The following STOML3 variants were observed in gnomAD, a reference collection of about 807,000 sequenced individuals.
The protein encoded by STOML3 is stomatin-like protein 3.
Under a neutral mutation model 29.5 loss-of-function variants are expected in STOML3, and 31 were observed. The observed-to-expected ratio is 1.05, with a 90% CI of 0.79 to 1.42. The LOEUF is 1.42. Among genes scored for constraint, STOML3 ranks in the 40% most tolerant of loss-of-function variants. The pLI is 0.00. For synonymous variants in STOML3, 122 were observed against 139.8 expected (o/e 0.87, Z 0.90); for missense variants, 380 against 363.0 (o/e 1.05, Z -0.38).
chr13:38,987,691 AATTATAT>A (rs917265452), intron 1 of STOML3, among the ~76,000 whole-genome samples: 112 of 136,242 alleles, frequency 8.2e-4, no homozygotes, highest in African/African-American at 2.8e-3. Flanking sequence ...TATATATACT[AATTATAT>A]ATTATATATT....
chr13:38,986,511 A>G (rs554539170), intron 1 of STOML3, among the ~76,000 whole-genome samples: 11 of 152,098 alleles, frequency 7.2e-5, no homozygotes, highest in Non-Finnish European at 1.3e-4. Context: ...TAACCATTCT[A>G]TCTCCCTTTC....
Position 38,970,286 on chromosome 13 carries a change from C to T in STOML3, c.415G>A (p.Ala139Thr), listed in dbSNP as rs1169519222. The change falls in exon 5 of 7, where the codon GCA becomes ACA. Residue 139 changes from alanine to threonine, a missense_variant. Ala to Thr is a moderately conservative substitution (Grantham distance 58, BLOSUM62 0). Coordinates refer to ENST00000379631, the MANE Select transcript of STOML3 (RefSeq NM_145286.3). ...GTGGTTTGAGCCAGCAGAAATGTTG[C>T]TTGATGGACATCGTTGACATTAGCC... The part of the protein sequence containing the change: ...AVANVNDVHQ[A>T]TFLLAQTTLR... The T allele has an allele frequency of 5.0e-6, 8 of 1,614,040 alleles. No homozygotes were observed. The highest frequency in any genetic ancestry group is 1.6e-4 in the Middle Eastern group (1 of 6,082).
chr13:38,972,998 C>T (rs1880934959), intron 3 of STOML3, among the ~76,000 whole-genome samples: 1 of 150,482 alleles, frequency 6.6e-6, no homozygotes, highest in African/African-American at 2.4e-5. Context: ...GTGGCTCACG[C>T]CTGTAATCCC....
intron 3 of STOML3, 90 bp from the exon 4 acceptor site, chr13:38,972,684 G>C: frequency 1.8e-6 from 2 of 1,106,320 alleles, no homozygotes; most frequent in Non-Finnish European, 2.7e-6. Flanking sequence ...TTTACATGGG[G>C]CGATACATGT....
At chr13:38,983,389 C>T (rs376207504) in intron 1 of STOML3, among the ~76,000 whole-genome samples, 2 of 152,182 alleles carry the variant, frequency 1.3e-5, no homozygotes, top group African/African-American at 2.4e-5. Flanking sequence ...TTGTTCAGTA[C>T]AGTTTTTGCT....
At chr13:38,988,857 T>A (rs1868862574) in intron 1 of STOML3, among the ~76,000 whole-genome samples, 1 of 143,666 alleles carries the variant, frequency 7.0e-6, no homozygotes, top group African/African-American at 2.5e-5. Context: ...ATATATTATA[T>A]ATGCTGTATT....
rs370486098 is a variant in STOML3, at chr13:38,976,757, C to G, written c.93G>C (p.Leu31=). Residue 31 remains leucine, a synonymous_variant, in exon 2 of 7, where the codon CTG becomes CTC. Transcript: ENST00000379631. ...TCACCAACAGGAAAGAGAGGGAAAACAGGATCCAGCCACATACACCAAGCC... is the reference window on the plus strand; with the variant it reads ...TCACCAACAGGAAAGAGAGGGAAAAGAGGATCCAGCCACATACACCAAGCC... ...NKRLGVCGWI[L]FSLSFLLVII... is the part of the protein sequence containing the mutation. 2 of 1,613,976 alleles carry G rather than the reference C, an allele frequency of 1.2e-6. No individual in the cohort carries two copies. Among genetic ancestry groups the G allele is most frequent in the South Asian group, 1.1e-5 (1 of 91,038 alleles).
chr13:38,971,093 C>T (rs756457066), intron 4 of STOML3, among the ~76,000 whole-genome samples: 7 of 151,772 alleles, frequency 4.6e-5, no homozygotes, highest in African/African-American at 7.3e-5. Context: ...ACTGCAGTGG[C>T]GCAATCTCTG....
chr13:38,980,064 C>T (rs1209477638), intron 1 of STOML3: 1 of 1,551,716 alleles, frequency 6.4e-7, no homozygotes, highest in Admixed American at 2.0e-5. Flanking sequence ...ACAAGCTCGC[C>T]TCTGGAGTTC....
chr13:38,979,151 G>T (rs1350460672), intron 1 of STOML3, among the ~76,000 whole-genome samples: 1 of 152,094 alleles, frequency 6.6e-6, no homozygotes, highest in Non-Finnish European at 1.5e-5. Flanking sequence ...TGAACAATAA[G>T]GGCTTGCCTG....
In STOML3 at chr13:38,966,867, G is replaced by C. The variant is rs748546865; in HGVS notation, c.834C>G (p.Gly278=). 6.2e-7 allele frequency: 1 copy of C among 1,613,534 alleles called. No individual in the cohort carries two copies. Residue 278 remains glycine (G), a synonymous_variant, in exon 7 of 7, where the codon GGC becomes GGG. Coordinates refer to ENST00000379631, the MANE Select transcript of STOML3 (RefSeq NM_145286.3). Reference sequence around the variant, plus strand: ...GCTTCTTGTGGTTATCATAGCTGACGCCACCAATGCCCTCTAGTATATTCA... The same window carrying C: ...GCTTCTTGTGGTTATCATAGCTGACCCCACCAATGCCCTCTAGTATATTCA... ...LPMNILEGIG[G]VSYDNHKKLP... is the part of the protein sequence containing the mutation.
intron 5 of STOML3, 85 bp from the exon 6 acceptor site, chr13:38,968,619 CA>C (rs1458597397): frequency 5.3e-6 from 8 of 1,507,312 alleles, no homozygotes; most frequent in Non-Finnish European, 7.2e-6. Context: ...TTTCAAGATA[CA>C]TTTTTCTTTT....
chr13:38,970,371 G>T lies in STOML3; in HGVS notation c.330C>A (p.Ser110=). Residue 110 remains serine (S), a synonymous_variant, in exon 5 of 7, where the codon TCC becomes TCA. Transcript: ENST00000379631. ...CAACTCCATCTACCTGAGTAGTTAC[G>T]GAGTCTCTGGTGAGGATCTGTGGAG... ...IPPQEILTRD[S]VTTQVDGVVY... is the part of the protein sequence containing the mutation. 1 of 1,614,052 alleles carries T rather than the reference G, an allele frequency of 6.2e-7. No individual in the cohort carries two copies. The highest frequency in any genetic ancestry group is 8.5e-7 in the Non-Finnish European group (1 of 1,179,960).
intron 5 of STOML3, among the ~76,000 whole-genome samples, chr13:38,968,858 T>C (rs1190903741): frequency 6.6e-6 from 1 of 152,134 alleles, no homozygotes; most frequent in Non-Finnish European, 1.5e-5. Flanking sequence ...ATATCCCAAA[T>C]GTGCTTGTAC....
At chr13:38,975,095 C>T (rs1052310648) in intron 3 of STOML3, among the ~76,000 whole-genome samples, 4 of 151,912 alleles carry the variant, frequency 2.6e-5, no homozygotes, top group Admixed American at 6.6e-5. Context: ...TTTGAGAGGT[C>T]GAGACGGGCG....
intron 6 of STOML3, 133 bp from the exon 7 acceptor site, chr13:38,967,182 G>T: frequency 2.6e-6 from 2 of 770,666 alleles, no homozygotes; most frequent in Non-Finnish European, 4.0e-6. Context: ...TACTTCTTTG[G>T]CGAGGATAAG....
At chr13:38,978,207 G>A (rs1040868620) in intron 1 of STOML3, among the ~76,000 whole-genome samples, 3 of 151,000 alleles carry the variant, frequency 2.0e-5, no homozygotes, top group African/African-American at 4.9e-5. Flanking sequence ...AGGCTGGAGT[G>A]CAGTGGCGCA....
In STOML3 at chr13:38,970,380, G is replaced by A. The variant is rs749645935; in HGVS notation, c.321C>T (p.Thr107=). 6.2e-7 allele frequency: 1 copy of A among 1,613,918 alleles called. No homozygotes were observed. Among genetic ancestry groups the A allele is most frequent in the Non-Finnish European group, 8.5e-7 (1 of 1,179,862 alleles). ...TCNIPPQEIL[T]RDSVTTQVDG... is the part of the protein sequence containing the mutation. ...CTACCTGAGTAGTTACGGAGTCTCT[G>A]GTGAGGATCTGTGGAGTAAGAACAG... Residue 107 remains threonine, a synonymous_variant, in exon 5 of 7, where the codon ACC becomes ACT. Transcript: ENST00000379631.
intron 1 of STOML3, among the ~76,000 whole-genome samples, chr13:38,987,690 T>G (rs1327175154): frequency 7.3e-6 from 1 of 136,418 alleles, no homozygotes. Context: ...TTATATATAC[T>G]AATTATATAT....
Sources: gnomAD v4.1 joint callset for allele counts (sites outside exome capture counted in the v4.1 genomes callset) on GRCh38, gnomAD v4.1.1 for gene constraint, MANE v1.5 for transcripts, NCBI Gene and HGNC (gene_info 2026-07-23, HGNC 2026-07-21) for gene names.